UBL3: variants seen among roughly 807,000 people sequenced by gnomAD.
UBL3 encodes the protein ubiquitin like 3.
A neutral mutation model predicts 18.4 loss-of-function variants in UBL3; 6 were observed. The ratio of observed to expected loss-of-function variants is 0.33; its 90% CI spans 0.18 to 0.64. The LOEUF (loss-of-function observed/expected upper bound fraction) is 0.64, where lower values mean the gene tolerates loss of function less well. UBL3 is among the 30% of genes least tolerant of loss of function. The pLI, the probability that UBL3 is intolerant of heterozygous loss-of-function variation, is 0.76. For synonymous variants in UBL3, 49 were observed against 46.6 expected, an observed-to-expected ratio of 1.05 and a Z score of -0.21; for missense variants, 109 against 142.9, an observed-to-expected ratio of 0.76 and a Z score of 1.21.
intron 1 of UBL3, among the ~76,000 whole-genome samples, chr13:29,837,704 C>T (rs1747063): frequency 0.1 from 15,473 of 151,786 alleles, 966 homozygotes; most frequent in African/African-American, 0.17. Flanking sequence ...CTGAGGCAGG[C>T]GGATCACTTG....
intron 1 of UBL3, among the ~76,000 whole-genome samples, chr13:29,796,329 C>T (rs1877612914): frequency 1.3e-5 from 2 of 152,008 alleles, no homozygotes; most frequent in Non-Finnish European, 2.9e-5. Context: ...TAAGTTTTTA[C>T]TTAACTTACA....
chr13:29,814,030 A>G (rs1878190017), intron 1 of UBL3, among the ~76,000 whole-genome samples: 1 of 152,138 alleles, frequency 6.6e-6, no homozygotes, highest in South Asian at 2.1e-4. Context: ...CATGCAAATC[A>G]CGCTTCTTCA....
intron 1 of UBL3, among the ~76,000 whole-genome samples, chr13:29,826,482 C>A (rs905208130): frequency 6.6e-6 from 1 of 152,062 alleles, no homozygotes; most frequent in Non-Finnish European, 1.5e-5. Context: ...AGTTTATTTG[C>A]GTAGAGGTGT....
chr13:29,806,525 T>C (rs192203214), intron 1 of UBL3, among the ~76,000 whole-genome samples: 1 of 152,220 alleles, frequency 6.6e-6, no homozygotes, highest in Non-Finnish European at 1.5e-5. Context: ...TTATTAATCA[T>C]CCATGTCTGT....
chr13:29,799,587 A>G (rs1877707335), intron 1 of UBL3, among the ~76,000 whole-genome samples: 1 of 152,176 alleles, frequency 6.6e-6, no homozygotes, highest in South Asian at 2.1e-4. Context: ...ACAAAAATAG[A>G]ACTTTTTACA....
intron 1 of UBL3, among the ~76,000 whole-genome samples, chr13:29,818,675 C>T (rs1235767045): frequency 6.6e-6 from 1 of 152,070 alleles, no homozygotes; most frequent in African/African-American, 2.4e-5. Context: ...ACCTTAGTGG[C>T]CAATGTATAA....
intron 1 of UBL3, among the ~76,000 whole-genome samples, chr13:29,848,451 C>T (rs1411163698): frequency 6.6e-6 from 1 of 151,538 alleles, no homozygotes; most frequent in African/African-American, 2.4e-5. Context: ...GAGCAAAACT[C>T]CGTCTCAAAA....
At chr13:29,797,713 T>TAG (rs1877651114) in intron 1 of UBL3, among the ~76,000 whole-genome samples, 1 of 152,206 alleles carries the variant, frequency 6.6e-6, no homozygotes, top group Admixed American at 6.5e-5. Context: ...TTGTTAGTCT[T>TAG]ATGCTTAAAT....
intron 1 of UBL3, among the ~76,000 whole-genome samples, chr13:29,819,681 C>T (rs1345328924): frequency 6.6e-6 from 1 of 151,948 alleles, no homozygotes; most frequent in Non-Finnish European, 1.5e-5. Context: ...TTTCTTCTAC[C>T]AGAAAAGACA....
At chr13:29,807,388 G>A (rs1405580700) in intron 1 of UBL3, among the ~76,000 whole-genome samples, 1 of 152,098 alleles carries the variant, frequency 6.6e-6, no homozygotes, top group African/African-American at 2.4e-5. Context: ...CATAAGAATC[G>A]AGACTGCCAG....
At chr13:29,844,383 T>C (rs1207942510) in intron 1 of UBL3, among the ~76,000 whole-genome samples, 1 of 152,206 alleles carries the variant, frequency 6.6e-6, no homozygotes, top group Non-Finnish European at 1.5e-5. Context: ...TCACAATCTA[T>C]ATTAGGTGCC....
chr13:29,801,342 G>A (rs1236801363), intron 1 of UBL3, among the ~76,000 whole-genome samples: 7 of 152,148 alleles, frequency 4.6e-5, no homozygotes, highest in Admixed American at 3.9e-4. Flanking sequence ...CTGGGGAGGG[G>A]CTCCCAGAGG....
At chr13:29,808,153 A>G (rs992413125) in intron 1 of UBL3, among the ~76,000 whole-genome samples, 1 of 152,176 alleles carries the variant, frequency 6.6e-6, no homozygotes, top group Admixed American at 6.6e-5. Context: ...AGACCATTAA[A>G]AATCACCTTC....
intron 1 of UBL3, among the ~76,000 whole-genome samples, chr13:29,829,491 G>A (rs1878714697): frequency 1.3e-5 from 2 of 151,958 alleles, no homozygotes; most frequent in Non-Finnish European, 2.9e-5. Flanking sequence ...TCCAAGCCAG[G>A]CGCGGGATAT....
intron 3 of UBL3, 149 bp downstream of exon 3, chr13:29,771,963 G>A (rs1876851562): frequency 1.6e-6 from 1 of 641,360 alleles, no homozygotes; most frequent in East Asian, 2.8e-5. Flanking sequence ...AATATACAAT[G>A]TGAAGGAGTA....
intron 3 of UBL3, among the ~76,000 whole-genome samples, chr13:29,771,118 A>C (rs1876829790): frequency 6.6e-6 from 1 of 152,066 alleles, no homozygotes; most frequent in Non-Finnish European, 1.5e-5. Context: ...AGTGCTTAGC[A>C]CAGTGTTGGC....
At chr13:29,814,021 A>G (rs1321511875) in intron 1 of UBL3, among the ~76,000 whole-genome samples, 1 of 152,172 alleles carries the variant, frequency 6.6e-6, no homozygotes, top group Non-Finnish European at 1.5e-5. Context: ...GAAGGAATGC[A>G]TGCAAATCAC....
rs535576478 is a variant in UBL3, at chr13:29,841,313, G to C, written c.27+8199C>G. Among the ~76,000 whole-genome samples, 47 of 151,646 alleles carry C rather than the reference G, an allele frequency of 3.1e-4. 1 individual carries two copies. The highest frequency in any genetic ancestry group is 1.8e-3 in the Admixed American group (28 of 15,222). ...ATATATATATGCAGTTAAAAGTATG[G>C]AGACAAAAACAAAATGCCCCGAAAT... On this transcript the variant is annotated intron_variant, in intron 1 of 4. Coordinates refer to ENST00000380680, the MANE Select transcript of UBL3 (RefSeq NM_007106.4).
At chr13:29,835,119 T>TATATAA (rs1566001024) in intron 1 of UBL3, among the ~76,000 whole-genome samples, 1 of 20,568 alleles carries the variant, frequency 4.9e-5, no homozygotes, top group Non-Finnish European at 7.1e-5. Context: ...TATATATATA[T>TATATAA]ATATAAATAT....
Sources: allele counts gnomAD v4.1 joint callset (sites outside exome capture counted in the v4.1 genomes callset), GRCh38; gene constraint gnomAD v4.1.1; transcripts MANE v1.5; gene names NCBI Gene and HGNC (gene_info 2026-07-23, HGNC 2026-07-21).